The following SGCZ variants were observed in gnomAD, a reference collection of about 807,000 sequenced individuals.
SGCZ encodes the protein sarcoglycan zeta.
SGCZ carries 40 observed loss-of-function variants against 41.3 expected under a neutral mutation model. That is an observed-to-expected ratio of 0.97 (90% CI 0.75 to 1.26). The LOEUF is 1.26. SGCZ is among the 50% of genes most tolerant of loss of function. SGCZ has a pLI of 0.00. For missense variants in SGCZ, 552 were observed against 369.8 expected (o/e 1.49, Z -4.04); for synonymous variants, 206 against 137.5 (o/e 1.50, Z -3.49).
At chr8:14,438,830 G>T (rs533377472) in intron 2 of SGCZ, among the ~76,000 whole-genome samples, 1 of 151,614 alleles carries the variant, frequency 6.6e-6, no homozygotes, top group Non-Finnish European at 1.5e-5. Context: ...CATATTCTTC[G>T]ACTCAAAGCC....
chr8:14,995,014 G>T (rs774318931), intron 1 of SGCZ, among the ~76,000 whole-genome samples: 1 of 152,308 alleles, frequency 6.6e-6, no homozygotes, highest in Non-Finnish European at 1.5e-5. Flanking sequence ...AAAGAAAAAG[G>T]CATGCTGTGT....
At position 14,091,271 on chromosome 8, in the gene SGCZ, A is replaced by G. The variant is rs1801682112; in HGVS notation, c.745-634T>C. On this transcript the variant is annotated intron_variant, in intron 7 of 7. Transcript: ENST00000382080. ...TTTGGGTTGGTCCCAAATCCCTGCT[A>G]TTGTGAAGAGTGCCGCAATAAACTT... is the stretch of plus-strand genomic sequence containing the variant. Among the ~76,000 whole-genome samples the G allele has an allele frequency of 2.0e-5, 3 of 151,736 alleles. No homozygotes were observed. In the South Asian group the frequency reaches 6.2e-4, roughly 31 times the overall value.
At chr8:15,174,580 G>A (rs1034072228) in intron 1 of SGCZ, among the ~76,000 whole-genome samples, 2 of 152,164 alleles carry the variant, frequency 1.3e-5, no homozygotes, top group Non-Finnish European at 2.9e-5. Flanking sequence ...TTTTTGAGTT[G>A]AAGTCAATGT....
At chr8:15,201,298 T>C (rs1800881320) in intron 1 of SGCZ, among the ~76,000 whole-genome samples, 1 of 152,198 alleles carries the variant, frequency 6.6e-6, no homozygotes, top group South Asian at 2.1e-4. Flanking sequence ...ATTACAGGCG[T>C]GAGCCCCCGT....
At chr8:14,264,146 C>G (rs979048001) in intron 3 of SGCZ, among the ~76,000 whole-genome samples, 1 of 152,182 alleles carries the variant, frequency 6.6e-6, no homozygotes, top group Non-Finnish European at 1.5e-5. Flanking sequence ...CCATAGCTGC[C>G]CTGGTCCCAG....
At chr8:15,061,102 T>C (rs186153974) in intron 1 of SGCZ, among the ~76,000 whole-genome samples, 2 of 152,310 alleles carry the variant, frequency 1.3e-5, no homozygotes, top group East Asian at 1.9e-4. Context: ...AGAAATGTTA[T>C]CAAATGTTAG....
chr8:14,887,236 A>G (rs566195941), intron 1 of SGCZ, among the ~76,000 whole-genome samples: 9 of 152,308 alleles, frequency 5.9e-5, no homozygotes, highest in African/African-American at 2.2e-4. Context: ...TTTAAACTAA[A>G]ACATTCTCAT....
chr8:14,676,786 T>C (rs1808291455), intron 1 of SGCZ, among the ~76,000 whole-genome samples: 1 of 152,096 alleles, frequency 6.6e-6, no homozygotes, highest in African/African-American at 2.4e-5. Context: ...ATGAAAAAGC[T>C]CTTAGAAAAC....
intron 1 of SGCZ, among the ~76,000 whole-genome samples, chr8:14,957,416 G>A (rs1800825517): frequency 6.6e-6 from 1 of 152,012 alleles, no homozygotes; most frequent in Admixed American, 6.6e-5. Context: ...AAAACTTATG[G>A]TAAATATATT....
At chr8:15,212,203 G>T (rs181889127) in intron 1 of SGCZ, among the ~76,000 whole-genome samples, 3 of 152,134 alleles carry the variant, frequency 2.0e-5, no homozygotes, top group Admixed American at 6.5e-5. Context: ...ATCTCTTAAG[G>T]CTCATTGTTC....
intron 4 of SGCZ, among the ~76,000 whole-genome samples, chr8:14,167,547 A>G (rs953609451): frequency 6.6e-6 from 1 of 152,180 alleles, no homozygotes; most frequent in Non-Finnish European, 1.5e-5. Context: ...CAATAAACTC[A>G]CAATCAACAA....
At chr8:14,621,197 C>A (rs1475905716) in intron 1 of SGCZ, among the ~76,000 whole-genome samples, 3 of 148,196 alleles carry the variant, frequency 2.0e-5, no homozygotes, top group African/African-American at 2.5e-5. Flanking sequence ...GACAAAAAAC[C>A]AAAACCGCAT....
intron 2 of SGCZ, among the ~76,000 whole-genome samples, chr8:14,533,942 G>A (rs1803214951): frequency 6.6e-6 from 1 of 151,934 alleles, no homozygotes. Context: ...ATGAGAGCAA[G>A]CATAATGAAG....
At chr8:15,102,357 G>A (rs1365598894) in intron 1 of SGCZ, among the ~76,000 whole-genome samples, 1 of 152,156 alleles carries the variant, frequency 6.6e-6, no homozygotes, top group Non-Finnish European at 1.5e-5. Flanking sequence ...GGTTGCTAGG[G>A]GTTGAGGGGT....
At chr8:15,109,192 A>G (rs994617893) in intron 1 of SGCZ, among the ~76,000 whole-genome samples, 3 of 152,188 alleles carry the variant, frequency 2.0e-5, no homozygotes, top group African/African-American at 7.2e-5. Flanking sequence ...TTCTGCAGAA[A>G]CCACAGCAAA....
chr8:14,288,755 T>C (rs999838055), intron 3 of SGCZ, among the ~76,000 whole-genome samples: 4 of 152,172 alleles, frequency 2.6e-5, no homozygotes, highest in Non-Finnish European at 5.9e-5. Context: ...TGTGTACAAG[T>C]TTTTGTTTGA....
At chr8:14,870,996 T>C (rs1804129037) in intron 1 of SGCZ, among the ~76,000 whole-genome samples, 1 of 151,664 alleles carries the variant, frequency 6.6e-6, no homozygotes, top group Non-Finnish European at 1.5e-5. Flanking sequence ...TCACCTGAAG[T>C]GAGGAATTTG....
At chr8:14,190,105 G>A (rs182366715) in intron 4 of SGCZ, among the ~76,000 whole-genome samples, 17 of 140,484 alleles carry the variant, frequency 1.2e-4, no homozygotes, top group Middle Eastern at 4.0e-3. Context: ...CTCCGCCTCT[G>A]GGGTTCACGC....
intron 4 of SGCZ, among the ~76,000 whole-genome samples, chr8:14,186,156 C>G (rs1439309775): frequency 6.6e-6 from 1 of 152,168 alleles, no homozygotes; most frequent in African/African-American, 2.4e-5. Flanking sequence ...TCTGTAATGA[C>G]AATGTGAAAG....
Sources: gnomAD v4.1 joint callset for allele counts (sites outside exome capture counted in the v4.1 genomes callset) on GRCh38, gnomAD v4.1.1 for gene constraint, MANE v1.5 for transcripts, NCBI Gene and HGNC (gene_info 2026-07-23, HGNC 2026-07-21) for gene names.